RALGPS1: variants seen among roughly 807,000 people sequenced by gnomAD.
RALGPS1 encodes ras-specific guanine nucleotide-releasing factor RalGPS1.
RALGPS1 carries 19 observed loss-of-function variants against 78.8 expected under a neutral mutation model. The observed-to-expected ratio is 0.24, with a 90% CI of 0.17 to 0.35. RALGPS1 has a LOEUF of 0.35. Ranked by LOEUF, RALGPS1 falls within the 10% of genes least tolerant of loss-of-function variation. The pLI, the probability that RALGPS1 is intolerant of heterozygous loss-of-function variation, is 1.00. For synonymous variants in RALGPS1, 228 were observed against 256.3 expected (o/e 0.89, Z 1.06); for missense variants, 454 against 688.3 (o/e 0.66, Z 3.81).
rs372777776 is a variant in RALGPS1 at position 127,105,681 on chromosome 9, G to A, written c.610+36325G>A. ...TGCATTCCTGATTTTAGAAATTTTG[G>A]CCTCGACGGATACTCCCTCCCAGAG... On this transcript the variant is annotated intron_variant, in intron 8 of 18. Transcript: ENST00000259351. Among the ~76,000 whole-genome samples the A allele has an allele frequency of 7.2e-5, 11 of 152,240 alleles. No individual in the cohort carries two copies. In the East Asian group the frequency reaches 1.3e-3, roughly 19 times the overall value.
intron 9 of RALGPS1, among the ~76,000 whole-genome samples, chr9:127,166,545 C>G (rs1167663608): frequency 6.6e-6 from 1 of 152,162 alleles, no homozygotes; most frequent in African/African-American, 2.4e-5. Context: ...CTCCTCCAAG[C>G]AGATTCGGGG....
At chr9:127,009,182 T>C (rs1319021559) in intron 4 of RALGPS1, among the ~76,000 whole-genome samples, 2 of 152,238 alleles carry the variant, frequency 1.3e-5, no homozygotes, top group Non-Finnish European at 2.9e-5. Context: ...CACTATCAGC[T>C]TTAATAGGCA....
chr9:127,060,085 G>A (rs1014398063), intron 7 of RALGPS1, among the ~76,000 whole-genome samples: 1 of 152,146 alleles, frequency 6.6e-6, no homozygotes. Flanking sequence ...TTTGCAGCTG[G>A]GAGCTAGGGT....
At chr9:127,012,426 G>A (rs968382718) in intron 4 of RALGPS1, among the ~76,000 whole-genome samples, 4 of 152,164 alleles carry the variant, frequency 2.6e-5, no homozygotes, top group African/African-American at 4.8e-5. Context: ...CCTGTGTCTC[G>A]GCCACCCTTC....
chr9:127,131,034 G>A (rs180831618), intron 8 of RALGPS1, among the ~76,000 whole-genome samples: 79 of 152,246 alleles, frequency 5.2e-4, no homozygotes, highest in African/African-American at 1.8e-3. Flanking sequence ...ATGTGCACTC[G>A]CCTCCATAAA....
At chr9:127,080,655 G>A (rs915149469) in intron 8 of RALGPS1, among the ~76,000 whole-genome samples, 1 of 152,218 alleles carries the variant, frequency 6.6e-6, no homozygotes, top group African/African-American at 2.4e-5. Context: ...TATGGGCAAC[G>A]TGTTGGATAT....
rs1367704694 is a variant in RALGPS1 at position 126,966,066 on chromosome 9, G to C, written c.165+115G>C. On this transcript the variant is annotated intron_variant, in intron 3 of 18. Coordinates refer to ENST00000259351, the MANE Select transcript of RALGPS1 (RefSeq NM_014636.3). ...ACATTCTATATGCCCAGCAAGAGGG[G>C]AGTGTTGAGTAAAGTCCGTACCACC... 1.4e-5 allele frequency: 10 copies of C among 723,522 alleles called. No individual in the cohort carries two copies. In the Admixed American group the frequency reaches 1.7e-4, roughly 12 times the overall value. The allele number at this position is 723,522 out of a possible 1,614,324, so 44.8% of individuals were successfully genotyped here.
At chr9:127,167,449 G>A (rs540180298) in intron 9 of RALGPS1, among the ~76,000 whole-genome samples, 4 of 152,318 alleles carry the variant, frequency 2.6e-5, no homozygotes, top group South Asian at 2.1e-4. Flanking sequence ...GATGGACTCC[G>A]GTTCCTATTC....
At chr9:127,178,063 C>A in intron 11 of RALGPS1, 1 of 1,428,496 alleles carries the variant, frequency 7.0e-7, no homozygotes, top group Non-Finnish European at 9.4e-7. Flanking sequence ...GAGGGTGGAG[C>A]CCTAGGCTAA....
In RALGPS1 at chr9:127,091,797, G is replaced by T. The variant is rs1472468378; in HGVS notation, c.610+22441G>T. ...TATAATACTCGCTCTCAGGTTCCAGGCGGAAACTGGCGTATTCTGCAAAGA... is the reference window on the plus strand; with the variant it reads ...TATAATACTCGCTCTCAGGTTCCAGTCGGAAACTGGCGTATTCTGCAAAGA... On this transcript the variant is annotated intron_variant, in intron 8 of 18. Coordinates refer to ENST00000259351, the MANE Select transcript of RALGPS1 (RefSeq NM_014636.3). The surrounding 1 kb of genome is among the most constrained non-coding windows in gnomAD (Gnocchi z 4.3). 1.9e-6 allele frequency: 3 copies of T among 1,614,032 alleles called. No individual in the cohort carries two copies. The highest frequency in any genetic ancestry group is 2.5e-6 in the Non-Finnish European group (3 of 1,180,026).
At chr9:126,996,046 A>G (rs543719785) in intron 4 of RALGPS1, among the ~76,000 whole-genome samples, 1 of 152,324 alleles carries the variant, frequency 6.6e-6, no homozygotes, top group South Asian at 2.1e-4. Flanking sequence ...GTAGAGGGAA[A>G]TTTATAGCAC....
At chr9:126,945,496 C>A (rs1009173246) in intron 1 of RALGPS1, among the ~76,000 whole-genome samples, 1 of 152,176 alleles carries the variant, frequency 6.6e-6, no homozygotes, top group African/African-American at 2.4e-5. Flanking sequence ...CTTCGCTTGG[C>A]CTTCTCTTGC....
chr9:127,142,267 G>T (rs1051257602), intron 8 of RALGPS1, among the ~76,000 whole-genome samples: 2 of 152,212 alleles, frequency 1.3e-5, no homozygotes, highest in Non-Finnish European at 2.9e-5. Context: ...CTGGTCTCAG[G>T]TTGCAACAGT....
In RALGPS1 at chr9:127,219,244, G is replaced by T. The variant is rs984892577; in HGVS notation, c.*475G>T. On this transcript the variant is annotated 3_prime_UTR_variant, in exon 19 of 19. Transcript: ENST00000259351. This position sits in a 1 kb window ranked among gnomAD's most constrained non-coding sequence, Gnocchi z 5.0. Reference sequence around the variant, plus strand: ...TGTACAACCCCGAAGCGTCCTCTGCGTGTGCGTGCTGTACGTGTGTGTGTG... The same window carrying T: ...TGTACAACCCCGAAGCGTCCTCTGCTTGTGCGTGCTGTACGTGTGTGTGTG... 4 of 217,636 alleles carry T rather than the reference G, an allele frequency of 1.8e-5. No individual in the cohort carries two copies. In the South Asian group the frequency reaches 3.1e-4, roughly 17 times the overall value. 13.5% of individuals were successfully genotyped at this position (217,636 alleles called of 1,614,324 possible).
chr9:126,958,394 TC>T (rs2038572855), intron 1 of RALGPS1, among the ~76,000 whole-genome samples: 2 of 152,126 alleles, frequency 1.3e-5, no homozygotes, highest in Non-Finnish European at 2.9e-5. Flanking sequence ...AACATTTCCA[TC>T]CCTCAGAAAC....
At chr9:127,119,537 G>A (rs1466346053) in intron 8 of RALGPS1, among the ~76,000 whole-genome samples, 2 of 152,198 alleles carry the variant, frequency 1.3e-5, no homozygotes, top group Non-Finnish European at 2.9e-5. Context: ...TTAACCTCTC[G>A]AGACTTAGTT....
intron 7 of RALGPS1, among the ~76,000 whole-genome samples, chr9:127,062,088 G>A (rs947233074): frequency 2.0e-5 from 3 of 152,118 alleles, no homozygotes; most frequent in African/African-American, 7.2e-5. Context: ...AACTGTTTAA[G>A]GATTTTTTTG....
chr9:127,164,885 A>AAT (rs922654198), intron 8 of RALGPS1, among the ~76,000 whole-genome samples: 4 of 152,068 alleles, frequency 2.6e-5, no homozygotes, highest in Admixed American at 1.3e-4. Flanking sequence ...TCATTGCATT[A>AAT]ATATATATAT....
At chr9:126,994,601 ACT>A in intron 4 of RALGPS1, among the ~76,000 whole-genome samples, 1 of 152,332 alleles carries the variant, frequency 6.6e-6, no homozygotes, top group Admixed American at 6.5e-5. Context: ...GTTGGAAAAC[ACT>A]CTGCAGGATA....
Sources: gnomAD v4.1 joint callset for allele counts (sites outside exome capture counted in the v4.1 genomes callset) on GRCh38, gnomAD v4.1.1 for gene constraint, Gnocchi (gnomAD v3.1) non-coding constraint, MANE v1.5 for transcripts, NCBI Gene and HGNC (gene_info 2026-07-23, HGNC 2026-07-21) for gene names.